PRR19: variants seen among roughly 807,000 people sequenced by gnomAD.
PRR19 encodes the protein proline rich 19, also known as proline-rich protein 19.
In PRR19, 9 loss-of-function variants were observed where a neutral mutation model predicts 19.2. That is an observed-to-expected ratio of 0.47 (90% CI 0.28 to 0.82). The LOEUF is 0.82. PRR19 is among the 40% of genes least tolerant of loss of function. PRR19 has a pLI of 0.11. For missense variants in PRR19, 457 were observed against 466.0 expected (o/e 0.98, Z 0.18); for synonymous variants, 190 against 191.0 (o/e 0.99, Z 0.04).
intron 1 of PRR19, among the ~76,000 whole-genome samples, chr19:42,305,712 T>G (rs2038700432): frequency 6.6e-6 from 1 of 152,202 alleles, no homozygotes; most frequent in African/African-American, 2.4e-5. Context: ...ATTGGTCTAG[T>G]TTATCCTTCT....
rs559191848 is a variant in PRR19 at position 42,302,134 on chromosome 19, T to C, written c.-376T>C. Reference sequence around the variant, plus strand: ...GCAGCGCCTCCTCAACTGCCCTCAGTTTCCCAATCAGGTAGTGAGAGTGGC... The same window carrying C: ...GCAGCGCCTCCTCAACTGCCCTCAGCTTCCCAATCAGGTAGTGAGAGTGGC... On this transcript the variant is annotated 5_prime_UTR_variant, in exon 1 of 3. Coordinates refer to ENST00000341747, the MANE Select transcript of PRR19 (RefSeq NM_199285.3). 13 of 1,495,638 alleles carry C rather than the reference T, an allele frequency of 8.7e-6. No homozygotes were observed. The South Asian group carries it at 1.4e-4, about 17-fold the overall frequency. 92.6% of individuals were successfully genotyped at this position (1,495,638 alleles called of 1,614,324 possible).
chr19:42,307,582 A>G (rs1247583835), intron 1 of PRR19, among the ~76,000 whole-genome samples: 2 of 149,688 alleles, frequency 1.3e-5, no homozygotes, highest in African/African-American at 4.9e-5. Flanking sequence ...GATTACAGTC[A>G]TTCACCACCA....
Position 42,309,613 on chromosome 19 carries a change from C to A in PRR19, c.29C>A (p.Pro10His). The A allele has an allele frequency of 6.5e-7, 1 of 1,536,740 alleles. No homozygotes were observed. Among genetic ancestry groups the A allele is most frequent in the Non-Finnish European group, 8.8e-7 (1 of 1,138,854 alleles). ...GATACCCAGGGACCAGTCTCCCAGC[C>A]TTTTCAGCAGCCTGAGAAACCTGGT... Reference protein sequence around the residue: MDTQGPVSQPFQQPEKPGRV... With the variant: MDTQGPVSQHFQQPEKPGRV... Residue 10 changes from proline (P) to histidine (H), a missense_variant, in exon 2 of 3, where the codon CCT (proline) becomes CAT (histidine). By Grantham distance (77) the Pro-to-His change is moderately conservative. Transcript: ENST00000341747.
intron 1 of PRR19, among the ~76,000 whole-genome samples, chr19:42,303,967 G>A (rs144210354): frequency 2.0e-5 from 3 of 152,208 alleles, no homozygotes; most frequent in African/African-American, 4.8e-5. Context: ...GGGGAATATC[G>A]TGGAATAGCT....
At position 42,309,872 on chromosome 19, in the gene PRR19, G is replaced by A. The variant is rs775163353; in HGVS notation, c.288G>A (p.Val96=). 6.2e-7 allele frequency: 1 copy of A among 1,613,962 alleles called. No homozygotes were observed. The highest frequency in any genetic ancestry group is 8.5e-7 in the Non-Finnish European group (1 of 1,180,012). ...VARLLSSGTL[V]PGSPTLPAKP... is the part of the protein sequence containing the mutation. The stretch of plus-strand genomic sequence containing the variant: ...GGCTGCTTAGCAGTGGGACCCTGGT[G>A]CCAGGCAGCCCCACACTCCCCGCCA... Residue 96 remains valine (V), a synonymous_variant, in exon 2 of 3, where the codon GTG becomes GTA. Transcript: ENST00000341747.
intron 1 of PRR19, among the ~76,000 whole-genome samples, chr19:42,307,912 C>T (rs963991831): frequency 6.6e-6 from 1 of 151,712 alleles, no homozygotes; most frequent in Non-Finnish European, 1.5e-5. Context: ...CGCCCGCCAC[C>T]GCGCCCGGCT....
intron 1 of PRR19, among the ~76,000 whole-genome samples, chr19:42,305,513 C>T (rs1005354003): frequency 5.3e-5 from 8 of 152,034 alleles, no homozygotes; most frequent in South Asian, 4.1e-4. Context: ...CTCCTGACCT[C>T]GTGATCTACC....
At chr19:42,309,424 G>A in intron 1 of PRR19, 155 bp from the exon 2 acceptor site, 1 of 599,292 alleles carries the variant, frequency 1.7e-6, no homozygotes, top group Non-Finnish European at 2.9e-6. Flanking sequence ...GGCTAGGCTG[G>A]TCTAAAGTGA....
rs375764061 is a variant in PRR19 at position 42,310,325 on chromosome 19, C to T, written c.656C>T (p.Pro219Leu). 5 of 1,614,158 alleles carry T rather than the reference C, an allele frequency of 3.1e-6. No individual in the cohort carries two copies. The East Asian group carries it at 1.1e-4, about 36-fold the overall frequency. ...RKMTPFWINS[P>L]DQVPEQERQR... is the part of the protein sequence containing the mutation. ...ATGACACCCTTCTGGATTAATAGCC[C>T]TGATCAAGTCCCAGAGCAGGAGAGG... Residue 219 changes from proline (P) to leucine (L), a missense_variant, in exon 3 of 3, where the codon CCT becomes CTT. Coordinates refer to ENST00000341747, the MANE Select transcript of PRR19 (RefSeq NM_199285.3).
Position 42,310,043 on chromosome 19 carries a change from T to G in PRR19, c.459T>G (p.Cys153Trp). 3 of 1,614,032 alleles carry G rather than the reference T, an allele frequency of 1.9e-6. No individual in the cohort carries two copies. The highest frequency in any genetic ancestry group is 2.5e-6 in the Non-Finnish European group (3 of 1,180,028). ...GVGQLLAELQCQLSLPQAFPR... is the reference protein window; with the variant it reads ...GVGQLLAELQWQLSLPQAFPR... ...GGCAGCTGCTGGCAGAGCTGCAGTGTCAGCTGAGTTTGCCACAGGCCTTCC... is the reference window on the plus strand; with the variant it reads ...GGCAGCTGCTGGCAGAGCTGCAGTGGCAGCTGAGTTTGCCACAGGCCTTCC... The change falls in exon 2 of 3, where the codon TGT (cysteine) becomes TGG (tryptophan). Residue 153 changes from cysteine to tryptophan, a missense_variant. Transcript: ENST00000341747.
chr19:42,302,953 G>C (rs1479603448), intron 1 of PRR19, among the ~76,000 whole-genome samples: 1 of 151,822 alleles, frequency 6.6e-6, no homozygotes, highest in East Asian at 1.9e-4. Flanking sequence ...AGAAAAGGAA[G>C]ATGACAAAAT....
chr19:42,310,195 C>T lies in PRR19; in HGVS notation c.601+10C>T, dbSNP rs2038773446. The T allele has an allele frequency of 6.2e-7, 1 of 1,613,912 alleles. No individual in the cohort carries two copies. The highest frequency in any genetic ancestry group is 2.2e-5 in the East Asian group (1 of 44,872). On this transcript the variant is annotated intron_variant, in intron 2 of 2. Transcript: ENST00000341747. ...CAGCCACCCTTGCCAGGTGAGCGTC[C>T]CTCCTGCCCCTGTACTCCCCTTTCC...
At chr19:42,306,053 A>G (rs955221505) in intron 1 of PRR19, among the ~76,000 whole-genome samples, 1 of 152,020 alleles carries the variant, frequency 6.6e-6, no homozygotes, top group Non-Finnish European at 1.5e-5. Context: ...TTGTTCTTTT[A>G]CAGGGTCTTG....
chr19:42,309,863 G>C lies in PRR19; in HGVS notation c.279G>C (p.Gly93=), dbSNP rs928501218. ...ATGTTGCAAGGCTGCTTAGCAGTGGGACCCTGGTGCCAGGCAGCCCCACAC... is the reference window on the plus strand; with the variant it reads ...ATGTTGCAAGGCTGCTTAGCAGTGGCACCCTGGTGCCAGGCAGCCCCACAC... ...SLDVARLLSS[G]TLVPGSPTLP... Residue 93 remains glycine (G), a synonymous_variant, in exon 2 of 3, where the codon GGG becomes GGC. Transcript: ENST00000341747. The C allele has an allele frequency of 4.3e-6, 7 of 1,613,820 alleles. No individual in the cohort carries two copies. In the African/African-American group the frequency reaches 9.3e-5, roughly 22 times the overall value.
intron 1 of PRR19, chr19:42,303,675 C>G (rs1312551837): frequency 6.6e-6 from 1 of 152,186 alleles, no homozygotes; most frequent in African/African-American, 2.4e-5. Flanking sequence ...CTGGGCCGGG[C>G]ACACAGTGGT....
intron 1 of PRR19, chr19:42,306,933 G>T (rs900071663): frequency 1.3e-5 from 2 of 152,328 alleles, no homozygotes; most frequent in African/African-American, 4.8e-5. Flanking sequence ...CATGGAAAGG[G>T]CACGCGCATG....
chr19:42,306,589 C>T (rs2038708950), intron 1 of PRR19, among the ~76,000 whole-genome samples: 1 of 152,172 alleles, frequency 6.6e-6, no homozygotes, highest in Non-Finnish European at 1.5e-5. Flanking sequence ...CAGACGTGAG[C>T]CACCACGCCC....
In PRR19 at chr19:42,310,139, G is replaced by A. The variant is rs767856112; in HGVS notation, c.555G>A (p.Val185=). The change falls in exon 2 of 3, where the codon GTG becomes GTA. Residue 185 remains valine (V), a synonymous_variant. Coordinates refer to ENST00000341747, the MANE Select transcript of PRR19 (RefSeq NM_199285.3). ...CCTTGCAGGCCTGTCATGGTTGTGTGCCTGACCTTGCCCTGGTGCTTCGGG... is the reference window on the plus strand; with the variant it reads ...CCTTGCAGGCCTGTCATGGTTGTGTACCTGACCTTGCCCTGGTGCTTCGGG... ...VHTLQACHGC[V]PDLALVLRGC... is the part of the protein sequence containing the mutation. The A allele has an allele frequency of 3.7e-6, 6 of 1,614,070 alleles. No individual in the cohort carries two copies. The highest frequency in any genetic ancestry group is 5.1e-6 in the Non-Finnish European group (6 of 1,180,018).
chr19:42,310,623 C>T lies in PRR19; in HGVS notation c.954C>T (p.Pro318=). The change falls in exon 3 of 3, where the codon CCC becomes CCT. Residue 318 remains proline, a synonymous_variant. Coordinates refer to ENST00000341747, the MANE Select transcript of PRR19 (RefSeq NM_199285.3). ...CTCAGCCTTCATCACCCCTGTTGCC[C>T]CGAACCTCTGTCCTGGACTGGAGCC... is the stretch of plus-strand genomic sequence containing the variant. ...PLPQPSSPLL[P]RTSVLDWSPS... is the part of the protein sequence containing the mutation. 1.2e-6 allele frequency: 2 copies of T among 1,613,958 alleles called. No individual in the cohort carries two copies. Among genetic ancestry groups the T allele is most frequent in the Non-Finnish European group, 1.7e-6 (2 of 1,179,954 alleles).
Sources: allele counts gnomAD v4.1 joint callset (sites outside exome capture counted in the v4.1 genomes callset), GRCh38; gene constraint gnomAD v4.1.1; transcripts MANE v1.5; gene names NCBI Gene and HGNC (gene_info 2026-07-23, HGNC 2026-07-21).